Variants in SSU72 observed in about 807,000 individuals in gnomAD.
The protein encoded by SSU72 is RNA polymerase II subunit A C-terminal domain phosphatase SSU72.
Under a neutral mutation model 22.7 loss-of-function variants are expected in SSU72, and 12 were observed. The ratio of observed to expected loss-of-function variants is 0.53; its 90% confidence interval spans 0.34 to 0.86. SSU72 has a LOEUF of 0.86. Ranked by LOEUF, SSU72 falls within the 40% of genes least tolerant of loss-of-function variation. SSU72 has a pLI of 0.02. For missense variants in SSU72, 151 were observed against 249.8 expected (o/e 0.60, Z 2.67); for synonymous variants, 116 against 98.3 (o/e 1.18, Z -1.06).
intron 1 of SSU72, among the ~76,000 whole-genome samples, chr1:1,565,304 C>A (rs953202421): frequency 1.3e-5 from 2 of 152,164 alleles, no homozygotes; most frequent in Admixed American, 1.3e-4. Flanking sequence ...ACCCGGGAGG[C>A]GGAGCTTGCA....
At chr1:1,551,811 T>G (rs1337748349) in intron 2 of SSU72, among the ~76,000 whole-genome samples, 3 of 152,174 alleles carry the variant, frequency 2.0e-5, no homozygotes, top group Admixed American at 6.5e-5. Context: ...GGGAGGGTGG[T>G]GGGGCCCGAG....
At chr1:1,565,587 A>G (rs2100719792) in intron 1 of SSU72, among the ~76,000 whole-genome samples, 1 of 54,684 alleles carries the variant, frequency 1.8e-5, no homozygotes, top group East Asian at 3.5e-3. Flanking sequence ...CCGCTCCACC[A>G]CAGGAAACTC....
rs772686303 is a variant in SSU72 at position 1,554,317 on chromosome 1, C to T, written c.225-9315G>A. Among the ~76,000 whole-genome samples the T allele has an allele frequency of 6.6e-4, 100 of 150,840 alleles. 2 individuals carry two copies. The Middle Eastern group carries it at 0.01, about 15-fold the overall frequency. On this transcript the variant is annotated intron_variant, in intron 2 of 4. Coordinates refer to ENST00000291386, the MANE Select transcript of SSU72 (RefSeq NM_014188.3). This position sits in a 1 kb window ranked among gnomAD's most constrained non-coding sequence, Gnocchi z 4.1. The stretch of plus-strand genomic sequence containing the variant: ...GATCCGGACCACTCGGGGGTCCCCA[C>T]GAAGCTGAGCATGAGGCGGATCCGG...
At chr1:1,545,522 G>GC (rs1352385812) in intron 2 of SSU72, 1 of 154,146 alleles carries the variant, frequency 6.5e-6, no homozygotes, top group Non-Finnish European at 1.4e-5. Context: ...AAGAAAGGAA[G>GC]CTCCAGGCCG....
rs1017303689 is a variant in SSU72 at position 1,566,341 on chromosome 1, T to C, written c.81-1425A>G. Among the ~76,000 whole-genome samples the C allele has an allele frequency of 2.6e-5, 4 of 152,198 alleles. No individual in the cohort carries two copies. In the East Asian group the frequency reaches 7.7e-4, roughly 29 times the overall value. On this transcript the variant is annotated intron_variant, in intron 1 of 4. Coordinates refer to ENST00000291386, the MANE Select transcript of SSU72 (RefSeq NM_014188.3). ...GTCACAACTGATACTTATAATTACC[T>C]AAAAAATATAGACTTCTCAACCTAG...
In SSU72 at chr1:1,554,586, G is replaced by T. The variant is rs1020875362; in HGVS notation, c.225-9584C>A. ...GGGACCAGAACATCCCGGGGAGTTA[G>T]AATGAGCGCAGCTGCCCATCCCACA... is the stretch of plus-strand genomic sequence containing the variant. On this transcript the variant is annotated intron_variant, in intron 2 of 4. Coordinates refer to ENST00000291386, the MANE Select transcript of SSU72 (RefSeq NM_014188.3). This position sits in a 1 kb window ranked among gnomAD's most constrained non-coding sequence, Gnocchi z 4.1. Among the ~76,000 whole-genome samples, 2 of 152,168 alleles carry T rather than the reference G, an allele frequency of 1.3e-5. No homozygotes were observed. Among genetic ancestry groups the T allele is most frequent in the Admixed American group, 6.5e-5 (1 of 15,282 alleles).
chr1:1,546,666 G>A (rs535216411), intron 2 of SSU72, among the ~76,000 whole-genome samples: 6 of 151,906 alleles, frequency 3.9e-5, no homozygotes, highest in Admixed American at 2.0e-4. Context: ...GTGAAACCCC[G>A]TCTCTACTAA....
chr1:1,557,806 A>C (rs1223126844), intron 2 of SSU72, among the ~76,000 whole-genome samples: 2 of 152,182 alleles, frequency 1.3e-5, no homozygotes, highest in Admixed American at 1.3e-4. Flanking sequence ...TCAAAAAAGA[A>C]GTCTACCACA....
chr1:1,570,392 C>A (rs975920197), intron 1 of SSU72, among the ~76,000 whole-genome samples: 2 of 151,806 alleles, frequency 1.3e-5, no homozygotes, highest in Admixed American at 1.3e-4. Context: ...CGACCAGAGG[C>A]CAGGAGAAGT....
intron 2 of SSU72, chr1:1,564,267 G>A: frequency 2.1e-6 from 1 of 478,050 alleles, no homozygotes. Flanking sequence ...TGAAATGAAG[G>A]AATGTTCTCT....
rs1252548333 is a variant in SSU72 at position 1,557,874 on chromosome 1, T to TAAGAC, written c.224+6898_224+6899insGTCTT. On this transcript the variant is annotated intron_variant, in intron 2 of 4. Coordinates refer to ENST00000291386, the MANE Select transcript of SSU72 (RefSeq NM_014188.3). ...AAGTGGCCACACACAGAAGTTAACC[T>TAAGAC]AAAAGACAATGAATTCAGAGGACGG... 2.6e-5 allele frequency among the ~76,000 whole-genome samples: 4 copies of TAAGAC among 152,112 alleles called. No homozygotes were observed. In the East Asian group the frequency reaches 7.7e-4, roughly 29 times the overall value.
chr1:1,560,041 G>C (rs1169067650), intron 2 of SSU72, among the ~76,000 whole-genome samples: 1 of 152,156 alleles, frequency 6.6e-6, no homozygotes, highest in African/African-American at 2.4e-5. Flanking sequence ...ACTTTTAGTA[G>C]AGACAGGGTT....
chr1:1,547,919 G>A (rs948697445), intron 2 of SSU72, among the ~76,000 whole-genome samples: 8 of 152,330 alleles, frequency 5.3e-5, no homozygotes, highest in African/African-American at 7.2e-5. Flanking sequence ...TCCCACTGAC[G>A]CAAAGCGTTC....
At chr1:1,562,444 C>T (rs2296716) in intron 2 of SSU72, 16,508 of 152,180 alleles carry the variant, frequency 0.11, 1,417 homozygotes, top group East Asian at 0.41. Flanking sequence ...CTCTTGAGCA[C>T]GCAGCCCTAA....
intron 1 of SSU72, among the ~76,000 whole-genome samples, chr1:1,571,751 A>C (rs1017369102): frequency 2.1e-4 from 32 of 151,932 alleles, no homozygotes; most frequent in Admixed American, 5.9e-4. Flanking sequence ...CATGTCTTTA[A>C]AGTAGCCGCT....
intron 1 of SSU72, among the ~76,000 whole-genome samples, chr1:1,571,552 G>A (rs749820352): frequency 2.0e-5 from 3 of 151,934 alleles, no homozygotes; most frequent in Non-Finnish European, 4.4e-5. Flanking sequence ...TCTCTTCTGA[G>A]TCTACTCTTT....
intron 1 of SSU72, among the ~76,000 whole-genome samples, chr1:1,574,000 G>A (rs937135508): frequency 6.7e-5 from 10 of 148,490 alleles, no homozygotes; most frequent in Non-Finnish European, 1.3e-4. Context: ...GGCGTTCCAG[G>A]GAGGAAGAGA....
At chr1:1,571,557 CTCTTT>C (rs1289205740) in intron 1 of SSU72, among the ~76,000 whole-genome samples, 1 of 151,922 alleles carries the variant, frequency 6.6e-6, no homozygotes, top group Admixed American at 6.6e-5. Flanking sequence ...TCTGAGTCTA[CTCTTT>C]TATGAGTAAA....
chr1:1,552,352 G>A (rs940993802), intron 2 of SSU72, among the ~76,000 whole-genome samples: 1 of 152,250 alleles, frequency 6.6e-6, no homozygotes, highest in African/African-American at 2.4e-5. Flanking sequence ...TCCCTGTGCG[G>A]CCTCCTCCTT....
Sources: allele counts gnomAD v4.1 joint callset (sites outside exome capture counted in the v4.1 genomes callset), GRCh38; gene constraint gnomAD v4.1.1; non-coding constraint Gnocchi (gnomAD v3.1); transcripts MANE v1.5; gene names NCBI Gene and HGNC (gene_info 2026-07-23, HGNC 2026-07-21).